XCR1: variants seen among roughly 807,000 people sequenced by gnomAD.
XCR1 encodes the protein chemokine XC receptor 1.
For synonymous variants in XCR1, 187 were observed against 188.5 expected (o/e 0.99, Z 0.06); for missense variants, 356 against 424.2 (o/e 0.84, Z 1.41).
chr3:46,025,263 G>A (rs911165180), intron 1 of XCR1, among the ~76,000 whole-genome samples: 2 of 147,782 alleles, frequency 1.4e-5, no homozygotes, highest in Non-Finnish European at 2.9e-5. Flanking sequence ...AATCAGCAAG[G>A]AGCAGTGGCT....
chr3:46,021,561 C>G lies in XCR1; in HGVS notation c.387G>C (p.Leu129=), dbSNP rs527881459. The change falls in exon 2 of 2, where the codon CTG becomes CTC. Residue 129 remains leucine (L), a synonymous_variant. Coordinates refer to ENST00000309285, the MANE Select transcript of XCR1 (RefSeq NM_001024644.2). This position sits in a 1 kb window ranked among gnomAD's most constrained non-coding sequence, Gnocchi z 4.7. The stretch of plus-strand genomic sequence containing the variant: ...GGGTGGAGAGGGGGCTCACTACCGA[C>G]AGGTAGCGGTGGATGGTCATGATGG... ...FLTIMTIHRY[L]SVVSPLSTLR... 6.2e-7 allele frequency: 1 copy of G among 1,610,764 alleles called. No homozygotes were observed. Among genetic ancestry groups the G allele is most frequent in the East Asian group, 2.2e-5 (1 of 44,714 alleles).
At chr3:46,030,761 C>T (rs1164203255), upstream of XCR1, among the ~76,000 whole-genome samples, 1 of 152,154 alleles carries the variant, frequency 6.6e-6, no homozygotes, top group Non-Finnish European at 1.5e-5. Flanking sequence ...CTGTGCCCTG[C>T]ATCCCCATGC....
intron 5 of XCR1, among the ~76,000 whole-genome samples, chr3:46,049,778 A>G (rs1438723030): frequency 6.6e-6 from 1 of 152,228 alleles, no homozygotes; most frequent in East Asian, 1.9e-4. Context: ...TGAATAATGA[A>G]TAATCACAGG....
rs570076532 is a variant in XCR1 at position 46,017,944 on chromosome 3, G to A, written c.*3002C>T. The A allele has an allele frequency of 1.3e-5, 2 of 152,422 alleles. No individual in the cohort carries two copies. The highest frequency in any genetic ancestry group is 4.1e-4 in the South Asian group (2 of 4,830). The allele number at this position is 152,422 out of a possible 1,614,324, so 9.4% of individuals were successfully genotyped here. A position where few individuals can be genotyped will look rare whatever the true frequency, so the allele number is the denominator to read the frequency against. On this transcript the variant is annotated 3_prime_UTR_variant, in exon 2 of 2. Transcript: ENST00000309285. ...GGTTGTGGTCAGGGACAGACAGCGT[G>A]GCTCATGGTGTGCAACTCTCTGGAA...
chr3:46,075,790 T>C (rs1698248778), intron 2 of XCR1, among the ~76,000 whole-genome samples: 2 of 152,148 alleles, frequency 1.3e-5, no homozygotes, highest in Non-Finnish European at 2.9e-5. Flanking sequence ...AATGAGCACA[T>C]GAAAATATAT....
chr3:46,051,026 G>C (rs1436873758), intron 5 of XCR1, among the ~76,000 whole-genome samples: 3 of 152,140 alleles, frequency 2.0e-5, no homozygotes, highest in Admixed American at 6.5e-5. Flanking sequence ...AGCTTCTCCT[G>C]TGTTAGGGGT....
At chr3:46,039,566 T>C (rs1208455684) in intron 5 of XCR1, among the ~76,000 whole-genome samples, 2 of 152,208 alleles carry the variant, frequency 1.3e-5, no homozygotes, top group African/African-American at 2.4e-5. Flanking sequence ...CTTGTGCTGT[T>C]AAGTTACAGG....
intron 3 of XCR1, among the ~76,000 whole-genome samples, chr3:46,071,018 C>T (rs1023760788): frequency 1.3e-5 from 2 of 151,920 alleles, no homozygotes; most frequent in African/African-American, 4.8e-5. Flanking sequence ...TTTAGTACTC[C>T]TTTGAGCATT....
intron 5 of XCR1, among the ~76,000 whole-genome samples, chr3:46,047,620 G>A (rs1164118315): frequency 2.6e-5 from 4 of 152,188 alleles, no homozygotes; most frequent in Non-Finnish European, 5.9e-5. Context: ...ATAAATGGGA[G>A]TGCTGCATTC....
chr3:46,023,993 C>T, intron 1 of XCR1: 2 of 1,414,376 alleles, frequency 1.4e-6, no homozygotes, highest in Non-Finnish European at 2.0e-6. Flanking sequence ...CCGCCACATT[C>T]AGAAACTGCT....
chr3:46,057,919 T>TCTAC (rs1412261010), intron 4 of XCR1, among the ~76,000 whole-genome samples: 3 of 146,412 alleles, frequency 2.0e-5, no homozygotes, highest in Non-Finnish European at 1.5e-5. Context: ...TATCTATCTA[T>TCTAC]CTATCTATCT....
intron 4 of XCR1, among the ~76,000 whole-genome samples, chr3:46,064,064 A>C (rs1698015702): frequency 6.6e-6 from 1 of 152,042 alleles, no homozygotes; most frequent in African/African-American, 2.4e-5. Flanking sequence ...GTAGAGACAA[A>C]GTCTTGCTGT....
chr3:46,047,115 G>A (rs1207066211), intron 5 of XCR1, among the ~76,000 whole-genome samples: 2 of 152,200 alleles, frequency 1.3e-5, no homozygotes, highest in Non-Finnish European at 2.9e-5. Context: ...CACTTGGTAG[G>A]CTGTGTGCAT....
intron 5 of XCR1, among the ~76,000 whole-genome samples, chr3:46,053,005 A>G (rs1032617286): frequency 6.6e-6 from 1 of 152,180 alleles, no homozygotes; most frequent in East Asian, 1.9e-4. Context: ...AAGGGCCATT[A>G]CCCAATAGCA....
intron 3 of XCR1, among the ~76,000 whole-genome samples, chr3:46,069,721 T>C (rs71327017): frequency 0.09 from 13,745 of 152,210 alleles, 1,006 homozygotes; most frequent in South Asian, 0.34. Context: ...GCTAGCAATT[T>C]ATTAATTTTA....
intron 1 of XCR1, among the ~76,000 whole-genome samples, chr3:46,079,978 T>A (rs2125904449): frequency 6.6e-6 from 1 of 152,248 alleles, no homozygotes; most frequent in South Asian, 2.1e-4. Flanking sequence ...GTGATGCCAT[T>A]TCCTGGGTCT....
chr3:46,076,881 A>C (rs1698270044), exon 2 of XCR1, among the ~76,000 whole-genome samples: 1 of 152,234 alleles, frequency 6.6e-6, no homozygotes, highest in Non-Finnish European at 1.5e-5. Flanking sequence ...CAAGGATTGC[A>C]CTTGAATTTC....
At chr3:46,041,897 A>C (rs1697542787) in intron 5 of XCR1, among the ~76,000 whole-genome samples, 1 of 151,898 alleles carries the variant, frequency 6.6e-6, no homozygotes, top group African/African-American at 2.4e-5. Flanking sequence ...TGCTATATAA[A>C]CCCCCTAGTT....
At chr3:46,037,608 T>C (rs181841609) in intron 5 of XCR1, among the ~76,000 whole-genome samples, 55 of 152,308 alleles carry the variant, frequency 3.6e-4, no homozygotes, top group South Asian at 6.2e-4. Flanking sequence ...TTTCTATCTT[T>C]ATGCACACAC....
Sources: allele counts gnomAD v4.1 joint callset (sites outside exome capture counted in the v4.1 genomes callset), GRCh38; gene constraint gnomAD v4.1.1; non-coding constraint Gnocchi (gnomAD v3.1); transcripts MANE v1.5; gene names NCBI Gene and HGNC (gene_info 2026-07-23, HGNC 2026-07-21).